The following HIVEP3 variants were observed in gnomAD, a reference collection of about 807,000 sequenced individuals.
The protein encoded by HIVEP3 is HIVEP zinc finger 3.
HIVEP3 carries 49 observed loss-of-function variants against 152.8 expected under a neutral mutation model. The ratio of observed to expected loss-of-function variants is 0.32; its 90% CI spans 0.26 to 0.41. HIVEP3 has a LOEUF of 0.41. Among genes scored for constraint, HIVEP3 ranks in the 10% least tolerant of loss-of-function variants. The probability of loss-of-function intolerance (pLI) is 1.00; values close to 1 mark genes in which losing one functional copy is unlikely to be tolerated. For synonymous variants in HIVEP3, 1,269 were observed against 1,289.0 expected, an observed-to-expected ratio of 0.98 and a Z score of 0.33; for missense variants, 2,790 against 3,103.3, an observed-to-expected ratio of 0.90 and a Z score of 2.40.
intron 5 of HIVEP3, among the ~76,000 whole-genome samples, chr1:41,573,695 CAT>C (rs759642705): frequency 9.2e-5 from 14 of 152,160 alleles, no homozygotes; most frequent in East Asian, 3.9e-4. Context: ...GAAAATCCCA[CAT>C]GTTATTTTCC....
At chr1:41,854,712 C>T (rs1643709822) in intron 1 of HIVEP3, among the ~76,000 whole-genome samples, 1 of 82,676 alleles carries the variant, frequency 1.2e-5, no homozygotes, top group Non-Finnish European at 2.3e-5. Flanking sequence ...GTGTGATATT[C>T]CCCTTCCTGT....
chr1:41,872,535 G>A (rs1011009419), intron 1 of HIVEP3, among the ~76,000 whole-genome samples: 7 of 151,816 alleles, frequency 4.6e-5, no homozygotes, highest in East Asian at 1.9e-4. Context: ...ACTCTTTCTC[G>A]GTTAATCCCT....
Position 41,559,218 on chromosome 1 carries a change from G to A in HIVEP3, c.5207+16326C>T, listed in dbSNP as rs1644018759. 2.0e-5 allele frequency among the ~76,000 whole-genome samples: 3 copies of A among 152,124 alleles called. No homozygotes were observed. In the South Asian group the frequency reaches 6.2e-4, roughly 32 times the overall value. On this transcript the variant is annotated intron_variant, in intron 5 of 8. Coordinates refer to ENST00000372583, the MANE Select transcript of HIVEP3 (RefSeq NM_024503.5). ...GAAGTCTGCCTGGCTGGCTCCCAAT[G>A]CCCTCTGTCTCTTTTAAAGTCTTCC...
chr1:42,016,284 T>C (rs1645522266), intron 1 of HIVEP3, among the ~76,000 whole-genome samples: 1 of 152,110 alleles, frequency 6.6e-6, no homozygotes, highest in Admixed American at 6.6e-5. Flanking sequence ...AGGGTGCATA[T>C]GGAAGGTCAG....
chr1:41,557,895 C>T (rs995414717), intron 5 of HIVEP3, among the ~76,000 whole-genome samples: 2 of 152,204 alleles, frequency 1.3e-5, no homozygotes, highest in African/African-American at 4.8e-5. Flanking sequence ...GAACCCCCAC[C>T]CAGCGAGGGC....
chr1:41,931,930 T>C (rs966086516), intron 1 of HIVEP3, among the ~76,000 whole-genome samples: 1 of 150,910 alleles, frequency 6.6e-6, no homozygotes, highest in Admixed American at 6.6e-5. Context: ...TTTTAAATCT[T>C]TTTGCCTTTT....
intron 2 of HIVEP3, among the ~76,000 whole-genome samples, chr1:41,675,701 T>C: frequency 6.6e-6 from 1 of 152,216 alleles, no homozygotes; most frequent in East Asian, 1.9e-4. Flanking sequence ...ACTCAGAGCC[T>C]GCTGAGCCCT....
intron 2 of HIVEP3, among the ~76,000 whole-genome samples, chr1:41,661,716 G>T (rs548132238): frequency 6.6e-6 from 1 of 152,244 alleles, no homozygotes; most frequent in East Asian, 1.9e-4. Context: ...CTCCCGCCGG[G>T]TGTGCCGTGT....
intron 3 of HIVEP3, among the ~76,000 whole-genome samples, chr1:41,598,543 T>G (rs1184906705): frequency 6.6e-6 from 1 of 152,232 alleles, no homozygotes; most frequent in Non-Finnish European, 1.5e-5. Flanking sequence ...CATGGCAGGA[T>G]AGATATAACT....
chr1:41,824,851 TAG>T (rs112182227), intron 1 of HIVEP3, among the ~76,000 whole-genome samples: 3 of 131,134 alleles, frequency 2.3e-5, no homozygotes, highest in African/African-American at 8.9e-5. Flanking sequence ...AGTTTATATA[TAG>T]AGAGAGAGAC....
intron 1 of HIVEP3, among the ~76,000 whole-genome samples, chr1:41,812,358 G>A (rs1651012284): frequency 1.3e-5 from 2 of 152,062 alleles, no homozygotes; most frequent in Non-Finnish European, 2.9e-5. Flanking sequence ...GATCGCTTAG[G>A]GCCAGGAGTT....
At chr1:41,925,805 T>C (rs764389272) in intron 1 of HIVEP3, among the ~76,000 whole-genome samples, 3 of 152,232 alleles carry the variant, frequency 2.0e-5, no homozygotes, top group Admixed American at 1.3e-4. Context: ...TCAGTATCTA[T>C]TCCCCTCTCC....
At chr1:41,769,200 C>A (rs1035912209) in intron 1 of HIVEP3, among the ~76,000 whole-genome samples, 3 of 152,220 alleles carry the variant, frequency 2.0e-5, no homozygotes, top group African/African-American at 7.2e-5. Context: ...AAAAGCCAGC[C>A]ACAGAAATCA....
chr1:41,630,123 C>T lies in HIVEP3; in HGVS notation c.-720-1176G>A, dbSNP rs141345471. Among the ~76,000 whole-genome samples, 378 of 152,296 alleles carry T rather than the reference C, an allele frequency of 2.5e-3. 4 individuals carry two copies. The highest frequency in any genetic ancestry group is 8.8e-3 in the African/African-American group (365 of 41,544). On this transcript the variant is annotated intron_variant, in intron 2 of 8. Transcript: ENST00000372583. The stretch of plus-strand genomic sequence containing the variant: ...AAAAAGAACAAAATCATGTCCTTGA[C>T]AGCATCATGGATGCACCTGGAGGCC...
chr1:41,992,161 G>A (rs1164767610), intron 1 of HIVEP3, among the ~76,000 whole-genome samples: 1 of 146,266 alleles, frequency 6.8e-6, no homozygotes, highest in East Asian at 2.0e-4. Flanking sequence ...CAATTAGGCA[G>A]GAGAAGGAAA....
At chr1:41,812,849 T>C (rs1255934452) in intron 1 of HIVEP3, among the ~76,000 whole-genome samples, 2 of 131,746 alleles carry the variant, frequency 1.5e-5, no homozygotes, top group African/African-American at 2.9e-5. Context: ...CAAGGTTCTC[T>C]GCTCCTTAAA....
At chr1:41,616,768 A>T (rs1558118415) in intron 3 of HIVEP3, among the ~76,000 whole-genome samples, 1 of 151,816 alleles carries the variant, frequency 6.6e-6, no homozygotes, top group Non-Finnish European at 1.5e-5. Context: ...TTGTTTTTCT[A>T]AAAATGGTAT....
chr1:41,931,819 C>G (rs1644997229), intron 1 of HIVEP3, among the ~76,000 whole-genome samples: 1 of 151,990 alleles, frequency 6.6e-6, no homozygotes, highest in Non-Finnish European at 1.5e-5. Context: ...TGCAACCTTA[C>G]TAAACTCACT....
chr1:41,768,574 C>T (rs1570494452), intron 1 of HIVEP3, among the ~76,000 whole-genome samples: 1 of 152,226 alleles, frequency 6.6e-6, no homozygotes, highest in East Asian at 1.9e-4. Flanking sequence ...AGCAGTACAG[C>T]AGCTAGCTCC....
Sources: allele counts gnomAD v4.1 joint callset (sites outside exome capture counted in the v4.1 genomes callset), GRCh38; gene constraint gnomAD v4.1.1; transcripts MANE v1.5; gene names NCBI Gene and HGNC (gene_info 2026-07-23, HGNC 2026-07-21).